EEFSEC: variants seen among roughly 807,000 people sequenced by gnomAD.
EEFSEC encodes eukaryotic elongation factor, selenocysteine-tRNA specific, also known as selenocysteine-specific elongation factor.
A neutral mutation model predicts 42.1 loss-of-function variants in EEFSEC; 43 were observed. That is an observed-to-expected ratio of 1.02 (90% confidence interval 0.80 to 1.32). EEFSEC has a LOEUF of 1.32. EEFSEC is among the 40% of genes most tolerant of loss of function. The pLI is 0.00. For synonymous variants in EEFSEC, 354 were observed against 339.1 expected, an observed-to-expected ratio of 1.04 and a Z score of -0.48; for missense variants, 745 against 803.6, an observed-to-expected ratio of 0.93 and a Z score of 0.88.
intron 4 of EEFSEC, among the ~76,000 whole-genome samples, chr3:128,321,052 G>A (rs11708733): frequency 0.029 from 4,442 of 152,308 alleles, 83 homozygotes; most frequent in Non-Finnish European, 0.045. Context: ...GGCGACAAAG[G>A]CAGGGATGGC....
chr3:128,363,886 G>C (rs973306721), intron 6 of EEFSEC, among the ~76,000 whole-genome samples: 1 of 152,214 alleles, frequency 6.6e-6, no homozygotes, highest in East Asian at 1.9e-4. Flanking sequence ...CTGGTGCTTT[G>C]TGTGCTACAG....
chr3:128,220,783 G>A (rs145674070), intron 1 of EEFSEC, among the ~76,000 whole-genome samples: 11 of 152,308 alleles, frequency 7.2e-5, no homozygotes, highest in Admixed American at 2.0e-4. Flanking sequence ...CAACAGACCC[G>A]GCTTCAAGCC....
the EEFSEC span, among the ~76,000 whole-genome samples, chr3:128,414,895 G>A: frequency 6.6e-6 from 1 of 152,172 alleles, no homozygotes; most frequent in Non-Finnish European, 1.5e-5. Context: ...AGAGGAGGAG[G>A]AGGCAGATTT....
At chr3:128,193,571 T>C (rs1413070763) in intron 1 of EEFSEC, among the ~76,000 whole-genome samples, 1 of 152,238 alleles carries the variant, frequency 6.6e-6, no homozygotes, top group Non-Finnish European at 1.5e-5. Context: ...TTCTAAAATA[T>C]TATTTAAAAA....
Position 128,408,120 on chromosome 3 carries a change from G to A in EEFSEC, c.1652G>A (p.Arg551Gln), listed in dbSNP as rs552584608. ...KKILTPALKK[R>Q]ARAGRGEATR... ...ATCCTGACACCCGCCCTCAAGAAGC[G>A]GGCCCGGGCTGGCCGTGGGGAGGCC... Residue 551 changes from arginine to glutamine, a missense_variant, in exon 7 of 7, where the codon CGG becomes CAG. By Grantham distance (43) the Arg-to-Gln change is conservative. Transcript: ENST00000254730. 1.6e-5 allele frequency: 25 copies of A among 1,607,366 alleles called. No homozygotes were observed. Among genetic ancestry groups the A allele is most frequent in the African/African-American group, 9.4e-5 (7 of 74,794 alleles).
At chr3:128,279,692 A>T (rs2066505757) in intron 4 of EEFSEC, among the ~76,000 whole-genome samples, 1 of 152,134 alleles carries the variant, frequency 6.6e-6, no homozygotes, top group Admixed American at 6.5e-5. Flanking sequence ...AGGGTCCAGG[A>T]TTGGTGTTGC....
intron 4 of EEFSEC, among the ~76,000 whole-genome samples, chr3:128,320,906 T>C (rs2067000873): frequency 6.6e-6 from 1 of 152,162 alleles, no homozygotes. Flanking sequence ...TCACCCAAAC[T>C]CTGGGCCCCA....
Position 128,155,631 on chromosome 3 carries a change from C to T in EEFSEC, c.316+1808C>T, listed in dbSNP as rs530444128. Among the ~76,000 whole-genome samples, 8 of 152,280 alleles carry T rather than the reference C, an allele frequency of 5.3e-5. No homozygotes were observed. In the South Asian group the frequency reaches 1.5e-3, roughly 28 times the overall value. ...GTTCCCATTTTCTTGTGTTTCCTTC[C>T]AGCAATATTCTGTATGCCACACATG... On this transcript the variant is annotated intron_variant, in intron 1 of 6. Transcript: ENST00000254730.
chr3:128,399,131 A>G (rs2068018891), intron 6 of EEFSEC, among the ~76,000 whole-genome samples: 1 of 152,148 alleles, frequency 6.6e-6, no homozygotes, highest in South Asian at 2.1e-4. Flanking sequence ...TTCCATCCGC[A>G]TAATGCACTG....
chr3:128,250,650 T>C (rs1359261596), intron 2 of EEFSEC, among the ~76,000 whole-genome samples: 1 of 152,208 alleles, frequency 6.6e-6, no homozygotes, highest in African/African-American at 2.4e-5. Context: ...AGTTTTGTAT[T>C]AAGTTTCAAA....
At chr3:128,397,230 C>T (rs1196884305) in intron 6 of EEFSEC, among the ~76,000 whole-genome samples, 4 of 152,212 alleles carry the variant, frequency 2.6e-5, no homozygotes, top group African/African-American at 9.6e-5. Flanking sequence ...CCCTGCTGCC[C>T]CCCACCCATG....
intron 1 of EEFSEC, among the ~76,000 whole-genome samples, chr3:128,163,950 A>AAG (rs1553737115): frequency 6.6e-6 from 1 of 151,842 alleles, no homozygotes; most frequent in Non-Finnish European, 1.5e-5. Context: ...AAAAAAAAAA[A>AAG]AACAAAACTA....
intron 1 of EEFSEC, among the ~76,000 whole-genome samples, chr3:128,219,236 C>T (rs2065840077): frequency 6.6e-6 from 1 of 152,266 alleles, no homozygotes; most frequent in East Asian, 1.9e-4. Context: ...CCTCTGGCCT[C>T]CCTGTTGCCA....
intron 4 of EEFSEC, among the ~76,000 whole-genome samples, chr3:128,334,465 G>A (rs993049181): frequency 1.4e-4 from 21 of 152,368 alleles, no homozygotes; most frequent in African/African-American, 5.0e-4. Flanking sequence ...AGCTGAGGCC[G>A]TGGAACATCA....
At chr3:128,425,906 C>G in the EEFSEC span, among the ~76,000 whole-genome samples, 3 of 152,108 alleles carry the variant, frequency 2.0e-5, no homozygotes, top group African/African-American at 7.2e-5. Context: ...ATCCAAGATC[C>G]GGGGGAAGGG....
At chr3:128,246,786 G>C in intron 1 of EEFSEC, 50 bp from the exon 2 acceptor site, 1 of 1,601,032 alleles carries the variant, frequency 6.2e-7, no homozygotes, top group Non-Finnish European at 8.5e-7. Context: ...AACTTTCTGT[G>C]GGGCTCACCA....
chr3:128,235,430 C>G (rs2065998523), intron 1 of EEFSEC, among the ~76,000 whole-genome samples: 1 of 151,794 alleles, frequency 6.6e-6, no homozygotes, highest in African/African-American at 2.4e-5. Flanking sequence ...GTACATAGTT[C>G]AAAATCTTAA....
intron 4 of EEFSEC, among the ~76,000 whole-genome samples, chr3:128,270,257 G>A (rs557498765): frequency 6.6e-5 from 10 of 152,264 alleles, no homozygotes; most frequent in East Asian, 5.8e-4. Flanking sequence ...TGTGGGTTCC[G>A]GAAGTAGTAA....
rs34885945 is a variant in EEFSEC, at chr3:128,211,848, C to CTTTTTTT, written c.317-34965_317-34959dup. Among the ~76,000 whole-genome samples, 15 of 51,698 alleles carry CTTTTTTT rather than the reference C, an allele frequency of 2.9e-4. 1 individual carries two copies. The highest frequency in any genetic ancestry group is 5.7e-4 in the African/African-American group (7 of 12,248). 33.9% of individuals were successfully genotyped at this position (51,698 alleles called of 152,430 possible). A position where few individuals can be genotyped will look rare whatever the true frequency, so the allele number is the denominator to read the frequency against. On this transcript the variant is annotated intron_variant, in intron 1 of 6. Transcript: ENST00000254730. ...CATATACTTCTTTTCTTTTTCTTTTCTTTTTTTTTTTTTTTTTTTTTTTTT... is the reference window on the plus strand; with the variant it reads ...CATATACTTCTTTTCTTTTTCTTTTCTTTTTTTTTTTTTTTTTTTTTTTTTTTTTTTT...
Sources: allele counts gnomAD v4.1 joint callset (sites outside exome capture counted in the v4.1 genomes callset), GRCh38; gene constraint gnomAD v4.1.1; transcripts MANE v1.5; gene names NCBI Gene and HGNC (gene_info 2026-07-23, HGNC 2026-07-21).